ITPKB: variants seen among roughly 807,000 people sequenced by gnomAD.
ITPKB encodes the protein IP3 3-kinase B.
Under a neutral mutation model 69.4 loss-of-function variants are expected in ITPKB, and 13 were observed. The observed-to-expected ratio is 0.19, with a 90% CI of 0.12 to 0.30. ITPKB has a LOEUF of 0.30. ITPKB is among the 10% of genes least tolerant of loss of function. The pLI is 1.00. For missense variants in ITPKB, 1,240 were observed against 1,250.5 expected (o/e 0.99, Z 0.13); for synonymous variants, 584 against 513.7 (o/e 1.14, Z -1.85).
At chr1:226,683,388 C>T (rs1170548934) in intron 2 of ITPKB, among the ~76,000 whole-genome samples, 2 of 152,222 alleles carry the variant, frequency 1.3e-5, no homozygotes, top group Non-Finnish European at 1.5e-5. Flanking sequence ...AGGCAGCTGA[C>T]TGCAGGAACT....
At chr1:226,671,159 C>T (rs940172286) in intron 2 of ITPKB, among the ~76,000 whole-genome samples, 1 of 152,122 alleles carries the variant, frequency 6.6e-6, no homozygotes, top group African/African-American at 2.4e-5. Flanking sequence ...CCGTGAAGAC[C>T]CCAAGGATCT....
intron 2 of ITPKB, among the ~76,000 whole-genome samples, chr1:226,719,715 T>C (rs1421771688): frequency 6.6e-6 from 1 of 152,210 alleles, no homozygotes; most frequent in African/African-American, 2.4e-5. Context: ...AGCTCCAGGC[T>C]GCCTGGGTGC....
At chr1:226,693,046 A>G (rs1456099677) in intron 2 of ITPKB, among the ~76,000 whole-genome samples, 1 of 152,218 alleles carries the variant, frequency 6.6e-6, no homozygotes, top group Non-Finnish European at 1.5e-5. Flanking sequence ...TCGGCTGCTC[A>G]GGGAGCAAGG....
chr1:226,634,470 C>T lies in ITPKB; in HGVS notation c.*201G>A. The T allele has an allele frequency of 1.7e-6, 1 of 582,404 alleles. No individual in the cohort carries two copies. The highest frequency in any genetic ancestry group is 3.1e-6 in the Non-Finnish European group (1 of 325,452). 36.1% of individuals were successfully genotyped at this position (582,404 alleles called of 1,614,324 possible). On this transcript the variant is annotated 3_prime_UTR_variant, in exon 8 of 8. Transcript: ENST00000429204. The surrounding 1 kb of genome is among the most constrained non-coding windows in gnomAD (Gnocchi z 6.3). ...CTCTTCTAGTAGGTGACCCTCTCTA[C>T]AAAAAGCAGTGCAAACACCACCTCC...
chr1:226,719,041 G>C lies in ITPKB; in HGVS notation c.1932+16486C>G, dbSNP rs903438625. ...TGTAATCTCAGCACTTTGGGAGGCC[G>C]AGGCAGGCAGATCACTTAGAGGCCA... On this transcript the variant is annotated intron_variant, in intron 2 of 7. Transcript: ENST00000429204. Among the ~76,000 whole-genome samples the C allele has an allele frequency of 1.3e-5, 2 of 152,218 alleles. 1 individual carries two copies. Among genetic ancestry groups the C allele is most frequent in the South Asian group, 4.1e-4 (2 of 4,838 alleles).
chr1:226,733,860 G>A (rs1298658812), intron 2 of ITPKB, among the ~76,000 whole-genome samples: 1 of 152,240 alleles, frequency 6.6e-6, no homozygotes, highest in Non-Finnish European at 1.5e-5. Context: ...CTAGACAAGA[G>A]CCGTTTTCAA....
At chr1:226,665,744 G>GT (rs1394123866) in intron 2 of ITPKB, among the ~76,000 whole-genome samples, 1 of 152,176 alleles carries the variant, frequency 6.6e-6, no homozygotes, top group African/African-American at 2.4e-5. Flanking sequence ...TCGTGGCTGA[G>GT]CAGTACCTGA....
rs753494242 is a variant in ITPKB, at chr1:226,637,761, A to C, written c.2554-11T>G. 69 of 1,609,216 alleles carry C rather than the reference A, an allele frequency of 4.3e-5. No individual in the cohort carries two copies. The highest frequency in any genetic ancestry group is 5.9e-5 in the Non-Finnish European group (69 of 1,176,076). On this transcript the variant is annotated splice_polypyrimidine_tract_variant and intron_variant, in intron 6 of 7. Transcript: ENST00000429204. This position sits in a 1 kb window ranked among gnomAD's most constrained non-coding sequence, Gnocchi z 4.3. Reference sequence around the variant, plus strand: ...GTCCCGATAGGCGATCTGGGAATAGAAAGAGGACCAGATTTTTAAGCGCCG... The same window carrying C: ...GTCCCGATAGGCGATCTGGGAATAGCAAGAGGACCAGATTTTTAAGCGCCG...
rs1335879147 is a variant in ITPKB at position 226,695,830 on chromosome 1, G to C, written c.1932+39697C>G. 5.3e-5 allele frequency among the ~76,000 whole-genome samples: 8 copies of C among 152,240 alleles called. No individual in the cohort carries two copies. In the East Asian group the frequency reaches 1.4e-3, roughly 26 times the overall value. On this transcript the variant is annotated intron_variant, in intron 2 of 7. Coordinates refer to ENST00000429204, the MANE Select transcript of ITPKB (RefSeq NM_002221.4). The stretch of plus-strand genomic sequence containing the variant: ...AAGGGAAGTGGAGAAATTATGGCAG[G>C]GCCCACAATGTCACTGTGAGCCCCC...
rs547498396 is a variant in ITPKB at position 226,706,236 on chromosome 1, C to T, written c.1932+29291G>A. On this transcript the variant is annotated intron_variant, in intron 2 of 7. Transcript: ENST00000429204. ...AAAGAACGTGGTACCACAAGTTGAA[C>T]TCAATCCTGGAAAATAATAAATGAT... Among the ~76,000 whole-genome samples, 3 of 152,374 alleles carry T rather than the reference C, an allele frequency of 2.0e-5. No homozygotes were observed. In the East Asian group the frequency reaches 5.8e-4, roughly 29 times the overall value.
intron 2 of ITPKB, chr1:226,659,723 A>C (rs574820646): frequency 6.6e-6 from 1 of 150,808 alleles, no homozygotes; most frequent in African/African-American, 2.4e-5. Context: ...TGCACAGCAG[A>C]CCTGCAGGTG....
intron 2 of ITPKB, among the ~76,000 whole-genome samples, chr1:226,652,216 C>T (rs944104322): frequency 7.2e-5 from 11 of 152,204 alleles, no homozygotes; most frequent in Admixed American, 5.9e-4. Context: ...AGCCTAGCCC[C>T]TAGGAGCAGA....
At chr1:226,692,940 TC>T (rs1020760673) in intron 2 of ITPKB, among the ~76,000 whole-genome samples, 1 of 152,214 alleles carries the variant, frequency 6.6e-6, no homozygotes, top group African/African-American at 2.4e-5. Context: ...AACATCTGGC[TC>T]CTAAGTCCAC....
chr1:226,648,055 T>A (rs1001743945), intron 3 of ITPKB, among the ~76,000 whole-genome samples: 1 of 152,182 alleles, frequency 6.6e-6, no homozygotes, highest in African/African-American at 2.4e-5. Flanking sequence ...GGGTCCTACA[T>A]GTGGGCTAGA....
chr1:226,737,700 G>A (rs1341432128), intron 1 of ITPKB, 37 bp from the exon 2 acceptor site: 4 of 671,552 alleles, frequency 6.0e-6, no homozygotes, highest in Non-Finnish European at 7.6e-6. Flanking sequence ...GGACCCTGGA[G>A]GGCGCGCGGG....
chr1:226,727,715 G>T (rs891594101), intron 2 of ITPKB, among the ~76,000 whole-genome samples: 1 of 152,098 alleles, frequency 6.6e-6, no homozygotes, highest in African/African-American at 2.4e-5. Context: ...AAAGCACCTC[G>T]TTTGCACCCC....
intron 2 of ITPKB, chr1:226,707,444 G>T: frequency 1.4e-6 from 1 of 709,932 alleles, no homozygotes; most frequent in Non-Finnish European, 1.7e-6. Context: ...TGATCCGCCC[G>T]CCTTGGCCTC....
In ITPKB at chr1:226,735,772, G is replaced by A. The variant is rs151260470; in HGVS notation, c.1687C>T (p.Pro563Ser). The A allele has an allele frequency of 1.0e-3, 1,603 of 1,600,782 alleles. 3 individuals are homozygous for A. Among genetic ancestry groups the A allele is most frequent in the Non-Finnish European group, 7.1e-4 (825 of 1,169,648 alleles). ...DKPFLRKACS[P>S]SNIPAVIITD... Reference sequence around the variant, plus strand: ...ATGATGACAGCAGGTATGTTGCTGGGGCTGCAGGCCTTCCTCAGGAAAGGC... The same window carrying A: ...ATGATGACAGCAGGTATGTTGCTGGAGCTGCAGGCCTTCCTCAGGAAAGGC... Residue 563 changes from proline (P) to serine (S), a missense_variant, in exon 2 of 8, where the codon CCC becomes TCC. Pro to Ser is a moderately conservative substitution (Grantham distance 74). Around this residue, in one of 2 missense-constraint regions of ITPKB, gnomAD observed 992 missense variants for 853.8 expected, o/e 1.16. Transcript: ENST00000429204.
In ITPKB at chr1:226,714,269, T is replaced by C. The variant is rs189547452; in HGVS notation, c.1932+21258A>G. ...TGTAGCTTTACAAGTCAGTATGTGA[T>C]TCACCATGTTCTCATTCCCTCTGTA... On this transcript the variant is annotated intron_variant, in intron 2 of 7. Coordinates refer to ENST00000429204, the MANE Select transcript of ITPKB (RefSeq NM_002221.4). Among the ~76,000 whole-genome samples, 1,211 of 152,340 alleles carry C rather than the reference T, an allele frequency of 7.9e-3. 10 individuals carry two copies. Among genetic ancestry groups the C allele is most frequent in the Non-Finnish European group, 0.014 (937 of 68,024 alleles).
Sources: gnomAD v4.1 joint callset for allele counts (sites outside exome capture counted in the v4.1 genomes callset) on GRCh38, gnomAD v4.1.1 for gene constraint, gnomAD v4.1.1 regional missense constraint, Gnocchi (gnomAD v3.1) non-coding constraint, MANE v1.5 for transcripts, NCBI Gene and HGNC (gene_info 2026-07-23, HGNC 2026-07-21) for gene names.